OR13H1: variants seen among roughly 807,000 people sequenced by gnomAD.
OR13H1 encodes olfactory receptor family 13 subfamily H member 1.
In OR13H1, 9 loss-of-function variants were observed where a neutral mutation model predicts 8.5. The ratio of observed to expected loss-of-function variants is 1.06; its 90% CI spans 0.64 to 1.85. OR13H1 has a LOEUF of 1.85. Ranked by LOEUF, OR13H1 falls within the 40% of genes most tolerant of loss-of-function variation. OR13H1 has a pLI of 0.00. For synonymous variants in OR13H1, 89 were observed against 90.6 expected (o/e 0.98, Z 0.10); for missense variants, 229 against 231.8 (o/e 0.99, Z 0.08).
rs372411943 is a variant in OR13H1, at chrX:131,544,898, G to A, written c.825G>A (p.Val275=). The change falls in exon 1 of 1, where the codon GTG becomes GTA. Residue 275 remains valine, a synonymous_variant. Coordinates refer to ENST00000338616, the MANE Select transcript of OR13H1 (RefSeq NM_001004486.1). ...SYPDQDKFIS[V]FYGALTPMLN... ...CTGACCAGGACAAGTTTATCTCAGT[G>A]TTTTATGGAGCTTTGACACCCATGT... The A allele has an allele frequency of 3.3e-6, 4 of 1,206,743 alleles. No homozygotes were observed. The African/African-American group carries it at 7.0e-5, about 21-fold the overall frequency.
At position 131,544,647 on chromosome X, in the gene OR13H1, A is replaced by G. The variant is rs1393383485; in HGVS notation, c.574A>G (p.Ser192Gly). The change falls in exon 1 of 1, where the codon AGC becomes GGC. Residue 192 changes from serine (S) to glycine (G), a missense_variant. Transcript: ENST00000338616. The part of the protein sequence containing the change: ...SLIKLTCSDT[S>G]LNEFMILITS... Reference sequence around the variant, plus strand: ...CATTAAGCTGACCTGTTCTGATACCAGCCTCAATGAATTTATGATCCTCAT... The same window carrying G: ...CATTAAGCTGACCTGTTCTGATACCGGCCTCAATGAATTTATGATCCTCAT... 2.5e-6 allele frequency: 3 copies of G among 1,208,073 alleles called. No homozygotes were observed. The highest frequency in any genetic ancestry group is 3.5e-5 in the South Asian group (2 of 56,888).
At position 131,544,511 on chromosome X, in the gene OR13H1, T is replaced by C. The variant is rs892204262; in HGVS notation, c.438T>C (p.Ala146=). The change falls in exon 1 of 1, where the codon GCT becomes GCC. Residue 146 remains alanine (A), a synonymous_variant. Transcript: ENST00000338616. ...GCCCAGTATGTGTCTGCTTGGTTGC[T>C]ACCTCATGGGGGACATCACTTGTGC... is the stretch of plus-strand genomic sequence containing the variant. ...MNGPVCVCLV[A]TSWGTSLVLT... 24 of 1,208,050 alleles carry C rather than the reference T, an allele frequency of 2.0e-5. No individual in the cohort carries two copies. The highest frequency in any genetic ancestry group is 2.7e-5 in the Non-Finnish European group (24 of 894,004).
Position 131,544,299 on chromosome X carries a change from G to C in OR13H1, c.226G>C (p.Ala76Pro), listed in dbSNP as rs758042239. 36 of 1,204,342 alleles carry C rather than the reference G, an allele frequency of 3.0e-5. No homozygotes were observed. Among genetic ancestry groups the C allele is most frequent in the Non-Finnish European group, 3.8e-5 (34 of 890,082 alleles). The change falls in exon 1 of 1, where the codon GCT becomes CCT. Residue 76 changes from alanine (A) to proline (P), a missense_variant. By Grantham distance (27) the Ala-to-Pro change is conservative. Coordinates refer to ENST00000338616, the MANE Select transcript of OR13H1 (RefSeq NM_001004486.1). ...TTTCTTAGACCTTTGTTATGGAACA[G>C]CTTCCATGCCCCAGGCTTTGGTGCA... is the stretch of plus-strand genomic sequence containing the variant. ...LSFLDLCYGT[A>P]SMPQALVHCF... is the part of the protein sequence containing the mutation.
chrX:131,544,491 G>T lies in OR13H1; in HGVS notation c.418G>T (p.Val140Leu), dbSNP rs1313900525. 34 of 1,211,118 alleles carry T rather than the reference G, an allele frequency of 2.8e-5. No homozygotes were observed. Among genetic ancestry groups the T allele is most frequent in the Non-Finnish European group, 3.5e-5 (31 of 895,089 alleles). ...TTATTCAGTGGTTATGAATGGCCCA[G>T]TATGTGTCTGCTTGGTTGCTACCTC... ...LRYSVVMNGP[V>L]CVCLVATSWG... The change falls in exon 1 of 1, where the codon GTA (valine) becomes TTA (leucine). Residue 140 changes from valine (V) to leucine (L), a missense_variant. Coordinates refer to ENST00000338616, the MANE Select transcript of OR13H1 (RefSeq NM_001004486.1).
rs1928202497 is a variant in OR13H1, at chrX:131,544,457, T to C, written c.384T>C (p.Asn128=). ...ATGACCGTGTGGTTGCTATCAGCAA[T>C]CCCCTGCGTTATTCAGTGGTTATGA... ...MAYDRVVAIS[N]PLRYSVVMNG... is the part of the protein sequence containing the mutation. The change falls in exon 1 of 1, where the codon AAT becomes AAC. Residue 128 remains asparagine (N), a synonymous_variant. Transcript: ENST00000338616. 8.3e-7 allele frequency: 1 copy of C among 1,209,072 alleles called. No homozygotes were observed. Among genetic ancestry groups the C allele is most frequent in the African/African-American group, 1.8e-5 (1 of 56,936 alleles).
rs754641613 is a variant in OR13H1, at chrX:131,544,117, T to C, written c.44T>C (p.Ile15Thr). Reference protein sequence around the residue: ...NVTAVFQFLLIGISNYPQWRD... With the variant: ...NVTAVFQFLLTGISNYPQWRD... Reference sequence around the variant, plus strand: ...ACAGCAGTGTTTCAGTTTCTCCTTATTGGCATTTCTAACTATCCTCAATGG... The same window carrying C: ...ACAGCAGTGTTTCAGTTTCTCCTTACTGGCATTTCTAACTATCCTCAATGG... Residue 15 changes from isoleucine to threonine, a missense_variant, in exon 1 of 1, where the codon ATT (isoleucine) becomes ACT (threonine). Coordinates refer to ENST00000338616, the MANE Select transcript of OR13H1 (RefSeq NM_001004486.1). 6.5e-5 allele frequency: 78 copies of C among 1,196,988 alleles called. No individual in the cohort carries two copies. The highest frequency in any genetic ancestry group is 8.6e-5 in the Non-Finnish European group (76 of 885,474).
At position 131,544,300 on chromosome X, in the gene OR13H1, C is replaced by T. The variant is rs1434383219; in HGVS notation, c.227C>T (p.Ala76Val). 3.3e-6 allele frequency: 4 copies of T among 1,206,220 alleles called. No homozygotes were observed. In the Admixed American group the frequency reaches 8.7e-5, roughly 26 times the overall value. The change falls in exon 1 of 1, where the codon GCT becomes GTT. Residue 76 changes from alanine to valine, a missense_variant. Physicochemically the swap from Ala to Val is moderately conservative, Grantham distance 64 (BLOSUM62 0). Coordinates refer to ENST00000338616, the MANE Select transcript of OR13H1 (RefSeq NM_001004486.1). Reference sequence around the variant, plus strand: ...TTCTTAGACCTTTGTTATGGAACAGCTTCCATGCCCCAGGCTTTGGTGCAT... The same window carrying T: ...TTCTTAGACCTTTGTTATGGAACAGTTTCCATGCCCCAGGCTTTGGTGCAT... ...LSFLDLCYGTASMPQALVHCF... is the reference protein window; with the variant it reads ...LSFLDLCYGTVSMPQALVHCF...
chrX:131,544,878 C>A lies in OR13H1; in HGVS notation c.805C>A (p.Gln269Lys). 8.3e-7 allele frequency: 1 copy of A among 1,207,921 alleles called. No individual in the cohort carries two copies. Among genetic ancestry groups the A allele is most frequent in the Non-Finnish European group, 1.1e-6 (1 of 892,079 alleles). Residue 269 changes from glutamine to lysine, a missense_variant, in exon 1 of 1, where the codon CAG becomes AAG. Coordinates refer to ENST00000338616, the MANE Select transcript of OR13H1 (RefSeq NM_001004486.1). ...MKTQSKSYPD[Q>K]DKFISVFYGA... ...AACTCAGTCCAAGTCCTACCCTGAC[C>A]AGGACAAGTTTATCTCAGTGTTTTA...
Position 131,544,738 on chromosome X carries a change from T to C in OR13H1, c.665T>C (p.Met222Thr), listed in dbSNP as rs779144195. The change falls in exon 1 of 1, where the codon ATG (methionine) becomes ACG (threonine). Residue 222 changes from methionine (M) to threonine (T), a missense_variant. Physicochemically the swap from Met to Thr is moderately conservative, Grantham distance 81 (BLOSUM62 -1). Coordinates refer to ENST00000338616, the MANE Select transcript of OR13H1 (RefSeq NM_001004486.1). ...FVLLSYIRIA[M>T]AIIRIRSLQG... ...CTCCTCTCCTACATACGAATTGCTATGGCTATCATAAGGATTCGCTCACTC... is the reference window on the plus strand; with the variant it reads ...CTCCTCTCCTACATACGAATTGCTACGGCTATCATAAGGATTCGCTCACTC... 2 of 1,209,225 alleles carry C rather than the reference T, an allele frequency of 1.7e-6. No individual in the cohort carries two copies. The highest frequency in any genetic ancestry group is 5.9e-5 in the East Asian group (2 of 33,770).
chrX:131,544,422 G>T lies in OR13H1; in HGVS notation c.349G>T (p.Ala117Ser), dbSNP rs781675020. 2.5e-6 allele frequency: 3 copies of T among 1,211,290 alleles called. No individual in the cohort carries two copies. The East Asian group carries it at 8.9e-5, about 36-fold the overall frequency. The change falls in exon 1 of 1, where the codon GCC (alanine) becomes TCC (serine). Residue 117 changes from alanine to serine, a missense_variant. Transcript: ENST00000338616. ...LATAECLLLA[A>S]MAYDRVVAIS... Reference sequence around the variant, plus strand: ...CACAGCAGAGTGCCTCCTACTGGCTGCCATGGCCTATGACCGTGTGGTTGC... The same window carrying T: ...CACAGCAGAGTGCCTCCTACTGGCTTCCATGGCCTATGACCGTGTGGTTGC...
rs768787330 is a variant in OR13H1, at chrX:131,544,360, G to T, written c.287G>T (p.Arg96Leu). The T allele has an allele frequency of 1.7e-6, 2 of 1,211,318 alleles. No individual in the cohort carries two copies. Among genetic ancestry groups the T allele is most frequent in the South Asian group, 3.5e-5 (2 of 56,959 alleles). ...FSTHPYLSYP[R>L]CLAQTSVSLA... is the part of the protein sequence containing the mutation. ...ACCCATCCCTACCTCTCTTATCCCC[G>T]ATGTTTGGCTCAAACGAGTGTCTCC... is the stretch of plus-strand genomic sequence containing the variant. The change falls in exon 1 of 1, where the codon CGA (arginine) becomes CTA (leucine). Residue 96 changes from arginine (R) to leucine (L), a missense_variant. By Grantham distance (102) the Arg-to-Leu change is moderately radical. Coordinates refer to ENST00000338616, the MANE Select transcript of OR13H1 (RefSeq NM_001004486.1).
Position 131,544,865 on chromosome X carries a change from G to A in OR13H1, c.792G>A (p.Lys264=). 8.3e-7 allele frequency: 1 copy of A among 1,209,340 alleles called. No homozygotes were observed. Residue 264 remains lysine (K), a synonymous_variant, in exon 1 of 1, where the codon AAG becomes AAA. Coordinates refer to ENST00000338616, the MANE Select transcript of OR13H1 (RefSeq NM_001004486.1). The stretch of plus-strand genomic sequence containing the variant: ...CCATGTATATGAAAACTCAGTCCAA[G>A]TCCTACCCTGACCAGGACAAGTTTA... ...AISMYMKTQS[K]SYPDQDKFIS...
At position 131,544,808 on chromosome X, in the gene OR13H1, C is replaced by T. The variant is rs768560710; in HGVS notation, c.735C>T (p.Thr245=). 1.5e-5 allele frequency: 18 copies of T among 1,208,309 alleles called. 1 individual carries two copies. The highest frequency in any genetic ancestry group is 1.5e-4 in the East Asian group (5 of 33,749). ...TTACCACATGTGGCTCTCACCTGAC[C>T]GTGGTGACAATCTTCTATGGGTCAG... ...KAFTTCGSHL[T]VVTIFYGSAI... Residue 245 remains threonine, a synonymous_variant, in exon 1 of 1, where the codon ACC becomes ACT. Coordinates refer to ENST00000338616, the MANE Select transcript of OR13H1 (RefSeq NM_001004486.1).
At position 131,544,633 on chromosome X, in the gene OR13H1, C is replaced by A; in HGVS notation, c.560C>A (p.Thr187Asn). The A allele has an allele frequency of 8.3e-7, 1 of 1,207,653 alleles. No individual in the cohort carries two copies. Among genetic ancestry groups the A allele is most frequent in the South Asian group, 1.8e-5 (1 of 56,851 alleles). ...ACEILSLIKL[T>N]CSDTSLNEFM... is the part of the protein sequence containing the mutation. ...GAGATTCTCTCCCTCATTAAGCTGA[C>A]CTGTTCTGATACCAGCCTCAATGAA... The change falls in exon 1 of 1, where the codon ACC becomes AAC. Residue 187 changes from threonine to asparagine, a missense_variant. Physicochemically the swap from Thr to Asn is moderately conservative, Grantham distance 65. Coordinates refer to ENST00000338616, the MANE Select transcript of OR13H1 (RefSeq NM_001004486.1).
At position 131,544,646 on chromosome X, in the gene OR13H1, C is replaced by T; in HGVS notation, c.573C>T (p.Thr191=). 8.3e-7 allele frequency: 1 copy of T among 1,208,238 alleles called. No homozygotes were observed. Among genetic ancestry groups the T allele is most frequent in the Non-Finnish European group, 1.1e-6 (1 of 892,429 alleles). ...TCATTAAGCTGACCTGTTCTGATAC[C>T]AGCCTCAATGAATTTATGATCCTCA... is the stretch of plus-strand genomic sequence containing the variant. ...LSLIKLTCSD[T]SLNEFMILIT... The change falls in exon 1 of 1, where the codon ACC becomes ACT. Residue 191 remains threonine (T), a synonymous_variant. Coordinates refer to ENST00000338616, the MANE Select transcript of OR13H1 (RefSeq NM_001004486.1).
chrX:131,544,413 C>CT lies in OR13H1; in HGVS notation c.341dup (p.Leu115ThrfsTer7), dbSNP rs1928200749. On this transcript the variant is annotated frameshift_variant, in exon 1 of 1. Transcript: ENST00000338616. LOFTEE classifies it high-confidence loss of function. ...GGCTTTGGCCACAGCAGAGTGCCTC[C>CT]TACTGGCTGCCATGGCCTATGACCG... 8.3e-7 allele frequency: 1 copy of CT among 1,209,181 alleles called. No individual in the cohort carries two copies. The highest frequency in any genetic ancestry group is 1.8e-5 in the African/African-American group (1 of 57,072).
rs1928196423 is a variant in OR13H1 at position 131,544,270 on chromosome X, T to C, written c.197T>C (p.Leu66Pro). ...HTPIYFFLSNLSFLDLCYGTA... is the reference protein window; with the variant it reads ...HTPIYFFLSNPSFLDLCYGTA... Reference sequence around the variant, plus strand: ...CCAATCTACTTCTTCCTTAGTAACCTGTCTTTCTTAGACCTTTGTTATGGA... The same window carrying C: ...CCAATCTACTTCTTCCTTAGTAACCCGTCTTTCTTAGACCTTTGTTATGGA... Residue 66 changes from leucine to proline, a missense_variant, in exon 1 of 1, where the codon CTG (leucine) becomes CCG (proline). Physicochemically the swap from Leu to Pro is moderately conservative, Grantham distance 98. Transcript: ENST00000338616. 3 of 1,208,023 alleles carry C rather than the reference T, an allele frequency of 2.5e-6. No individual in the cohort carries two copies. The highest frequency in any genetic ancestry group is 1.7e-5 in the African/African-American group (1 of 57,199).
Position 131,544,438 on chromosome X carries a change from G to A in OR13H1, c.365G>A (p.Arg122His), listed in dbSNP as rs376590984. ...CLLLAAMAYD[R>H]VVAISNPLRY... ...CTACTGGCTGCCATGGCCTATGACC[G>A]TGTGGTTGCTATCAGCAATCCCCTG... The change falls in exon 1 of 1, where the codon CGT (arginine) becomes CAT (histidine). Residue 122 changes from arginine (R) to histidine (H), a missense_variant. Arg to His is a conservative substitution (Grantham distance 29, BLOSUM62 0). Coordinates refer to ENST00000338616, the MANE Select transcript of OR13H1 (RefSeq NM_001004486.1). 95 of 1,209,232 alleles carry A rather than the reference G, an allele frequency of 7.9e-5. No individual in the cohort carries two copies. In the Middle Eastern group the frequency reaches 1.8e-3, roughly 23 times the overall value.
rs1928213752 is a variant in OR13H1, at chrX:131,544,766, G to A, written c.693G>A (p.Gln231=). 2 of 1,210,310 alleles carry A rather than the reference G, an allele frequency of 1.7e-6. No individual in the cohort carries two copies. The highest frequency in any genetic ancestry group is 1.8e-5 in the South Asian group (1 of 56,879). ...AMAIIRIRSL[Q]GRLKAFTTCG... ...CTATCATAAGGATTCGCTCACTCCA[G>A]GGCAGGCTCAAGGCCTTTACCACAT... is the stretch of plus-strand genomic sequence containing the variant. The change falls in exon 1 of 1, where the codon CAG becomes CAA. Residue 231 remains glutamine, a synonymous_variant. Coordinates refer to ENST00000338616, the MANE Select transcript of OR13H1 (RefSeq NM_001004486.1).
Sources: allele counts gnomAD v4.1 joint callset, GRCh38; gene constraint gnomAD v4.1.1; transcripts MANE v1.5; gene names NCBI Gene and HGNC (gene_info 2026-07-23, HGNC 2026-07-21).